DOCK9: variants seen among roughly 807,000 people sequenced by gnomAD.
DOCK9 encodes dedicator of cytokinesis 9.
Under a neutral mutation model 263.3 loss-of-function variants are expected in DOCK9, and 89 were observed. That is an observed-to-expected ratio of 0.34 (90% CI 0.28 to 0.40). The LOEUF (loss-of-function observed/expected upper bound fraction) is 0.40, where lower values mean the gene tolerates loss of function less well. Ranked by LOEUF, DOCK9 falls within the 10% of genes least tolerant of loss-of-function variation. DOCK9 has a pLI of 1.00. For synonymous variants in DOCK9, 976 were observed against 973.1 expected (o/e 1.00, Z -0.06); for missense variants, 2,140 against 2,603.4 (o/e 0.82, Z 3.87).
intron 2 of DOCK9, chr13:98,950,299 C>T (rs1200477590): frequency 2.1e-5 from 16 of 764,234 alleles, no homozygotes; most frequent in African/African-American, 1.1e-4. Flanking sequence ...TGATTCCAGT[C>T]GCTTAAACCT....
intron 2 of DOCK9, chr13:98,949,756 C>T (rs2057181514): frequency 5.0e-6 from 2 of 403,006 alleles, no homozygotes; most frequent in Non-Finnish European, 9.7e-6. Context: ...GATGTGTTCA[C>T]CCCAGGTGAG....
intron 1 of DOCK9, among the ~76,000 whole-genome samples, chr13:99,013,766 C>G (rs142783054): frequency 2.0e-5 from 3 of 152,230 alleles, no homozygotes; most frequent in Admixed American, 6.5e-5. Flanking sequence ...GTGCTGGAGA[C>G]GGGGCTGGAG....
intron 2 of DOCK9, among the ~76,000 whole-genome samples, chr13:98,936,025 A>G (rs2140404720): frequency 6.6e-6 from 1 of 152,204 alleles, no homozygotes; most frequent in African/African-American, 2.4e-5. Context: ...CTGCTTGTGA[A>G]TTCTAGTTCT....
chr13:98,797,274 G>C, intron 51 of DOCK9, 21 bp from the exon 52 acceptor site: 1 of 1,613,584 alleles, frequency 6.2e-7, no homozygotes, highest in Non-Finnish European at 8.5e-7. Context: ...ACAGGCGGGA[G>C]AAACAAAGGC....
At chr13:98,927,815 T>C (rs1342477464) in intron 3 of DOCK9, among the ~76,000 whole-genome samples, 1 of 151,752 alleles carries the variant, frequency 6.6e-6, no homozygotes, top group Non-Finnish European at 1.5e-5. Flanking sequence ...GAGACAGGGT[T>C]TCACAATGTT....
intron 7 of DOCK9, among the ~76,000 whole-genome samples, chr13:98,916,074 C>CA (rs1241545508): frequency 2.0e-5 from 3 of 152,284 alleles, no homozygotes; most frequent in African/African-American, 7.2e-5. Context: ...CTCATGCCTC[C>CA]AGTTTTCATG....
intron 1 of DOCK9, among the ~76,000 whole-genome samples, chr13:99,030,347 G>A (rs1382525451): frequency 1.3e-5 from 2 of 152,150 alleles, no homozygotes; most frequent in African/African-American, 2.4e-5. Flanking sequence ...ATACAAAAAT[G>A]GAACATTTGT....
chr13:99,036,886 C>T (rs1887944439), intron 1 of DOCK9, among the ~76,000 whole-genome samples: 1 of 152,078 alleles, frequency 6.6e-6, no homozygotes, highest in Non-Finnish European at 1.5e-5. Flanking sequence ...AACACCGAAA[C>T]AACTAAGACA....
intron 1 of DOCK9, among the ~76,000 whole-genome samples, chr13:98,975,449 T>C (rs151297165): frequency 7.4e-4 from 109 of 147,074 alleles, no homozygotes; most frequent in African/African-American, 2.5e-3. Flanking sequence ...AAATCTACCA[T>C]AATAGTATAT....
Position 98,850,126 on chromosome 13 carries a change from CATTT to C in DOCK9, c.3947-17_3947-14del. 6.8e-7 allele frequency: 1 copy of C among 1,462,452 alleles called. No individual in the cohort carries two copies. Among genetic ancestry groups the C allele is most frequent in the South Asian group, 1.4e-5 (1 of 72,018 alleles). 90.6% of individuals were successfully genotyped at this position (1,462,452 alleles called of 1,614,324 possible). On this transcript the variant is annotated splice_polypyrimidine_tract_variant and intron_variant, in intron 35 of 52. Transcript: ENST00000682017. ...GTAAACAAAGCATCTAGAAAATAAA[CATTT>C]ACTTAGAATCACAATACATATGATA...
chr13:98,851,041 A>C (rs2093555003), intron 35 of DOCK9, among the ~76,000 whole-genome samples: 2 of 152,192 alleles, frequency 1.3e-5, no homozygotes, highest in Admixed American at 6.5e-5. Context: ...ACTTGCCAAG[A>C]ACAATGATAG....
intron 44 of DOCK9, 66 bp from the exon 45 acceptor site, chr13:98,824,570 T>C (rs2092446713): frequency 1.4e-6 from 2 of 1,396,396 alleles, no homozygotes; most frequent in Non-Finnish European, 2.0e-6. Flanking sequence ...CCTGAGGGTT[T>C]TTCCTGCCCT....
chr13:98,810,437 A>C, intron 45 of DOCK9, 146 bp from the exon 46 acceptor site: 1 of 1,044,138 alleles, frequency 9.6e-7, no homozygotes, highest in South Asian at 1.7e-5. Flanking sequence ...CCACACTTAC[A>C]ACAACATTCT....
At chr13:99,063,786 C>T (rs1321607136) in intron 1 of DOCK9, among the ~76,000 whole-genome samples, 1 of 151,934 alleles carries the variant, frequency 6.6e-6, no homozygotes, top group African/African-American at 2.4e-5. Flanking sequence ...GTTACCCTGT[C>T]GATTTGTTAA....
At chr13:99,087,626 C>T (rs1192639475), upstream of DOCK9, among the ~76,000 whole-genome samples, 4 of 151,372 alleles carry the variant, frequency 2.6e-5, no homozygotes. Flanking sequence ...GGCTCCGTTT[C>T]TGTCTCTCTG....
At chr13:98,892,591 A>T (rs2046787817) in intron 15 of DOCK9, among the ~76,000 whole-genome samples, 1 of 152,208 alleles carries the variant, frequency 6.6e-6, no homozygotes, top group African/African-American at 2.4e-5. Flanking sequence ...AAAATTCAAT[A>T]AGCATTTATC....
chr13:98,900,299 G>A (rs180909408), intron 13 of DOCK9, among the ~76,000 whole-genome samples: 9 of 152,240 alleles, frequency 5.9e-5, no homozygotes, highest in East Asian at 3.9e-4. Context: ...CCATGCATGC[G>A]GCAGGCAGAA....
chr13:98,916,704 C>T (rs1177333273), intron 7 of DOCK9, among the ~76,000 whole-genome samples: 1 of 152,188 alleles, frequency 6.6e-6, no homozygotes, highest in African/African-American at 2.4e-5. Flanking sequence ...AAGTCAAAGG[C>T]TTGAAACAAA....
intron 45 of DOCK9, among the ~76,000 whole-genome samples, chr13:98,814,532 A>G (rs1426808969): frequency 1.3e-5 from 2 of 151,802 alleles, no homozygotes; most frequent in Non-Finnish European, 2.9e-5. Context: ...CAGCCTCCCA[A>G]GTAGCTGGGA....
Sources: gnomAD v4.1 joint callset for allele counts (sites outside exome capture counted in the v4.1 genomes callset) on GRCh38, gnomAD v4.1.1 for gene constraint, MANE v1.5 for transcripts, NCBI Gene and HGNC (gene_info 2026-07-23, HGNC 2026-07-21) for gene names.